SLC35G2: variants seen among roughly 807,000 people sequenced by gnomAD.
SLC35G2 encodes transmembrane protein 22.
In SLC35G2, 20 loss-of-function variants were observed where a neutral mutation model predicts 27.2. That is an observed-to-expected ratio of 0.74 (90% CI 0.52 to 1.07). SLC35G2 has a LOEUF of 1.07. SLC35G2 is among the 50% of genes least tolerant of loss of function. The pLI is 0.00. For missense variants in SLC35G2, 416 were observed against 493.3 expected, an observed-to-expected ratio of 0.84 and a Z score of 1.48; for synonymous variants, 148 against 165.3, an observed-to-expected ratio of 0.90 and a Z score of 0.80.
At chr3:136,830,104 C>CTTTTTTTTTTTTT in intron 1 of SLC35G2, among the ~76,000 whole-genome samples, 1 of 88,814 alleles carries the variant, frequency 1.1e-5, no homozygotes, top group Non-Finnish European at 2.1e-5. Context: ...TACATTATTT[C>CTTTTTTTTTTTTT]TTTTTTTTTT....
chr3:136,825,510 G>A (rs1205607332), intron 1 of SLC35G2, among the ~76,000 whole-genome samples: 2 of 152,116 alleles, frequency 1.3e-5, no homozygotes, highest in East Asian at 3.9e-4. Flanking sequence ...CCAAAGTGCT[G>A]GGATTACAGG....
chr3:136,827,212 A>G (rs540368320), intron 1 of SLC35G2, among the ~76,000 whole-genome samples: 1 of 149,830 alleles, frequency 6.7e-6, no homozygotes, highest in Admixed American at 6.6e-5. Flanking sequence ...TCTTCTACTA[A>G]GTTTTTTTTT....
chr3:136,831,051 T>C (rs1936719228), intron 1 of SLC35G2, among the ~76,000 whole-genome samples: 1 of 152,222 alleles, frequency 6.6e-6, no homozygotes, highest in African/African-American at 2.4e-5. Context: ...AGGAACTCAA[T>C]GGAGGAAAGG....
At position 136,854,696 on chromosome 3, in the gene SLC35G2, C is replaced by G. The variant is rs1353675098; in HGVS notation, c.236C>G (p.Thr79Arg). Residue 79 changes from threonine (T) to arginine (R), a missense_variant, in exon 2 of 2, where the codon ACA (threonine) becomes AGA (arginine). Physicochemically the swap from Thr to Arg is moderately conservative, Grantham distance 71. Transcript: ENST00000446465. ...ACCATGGATACCCTACCTCCACCAA[C>G]AGAAGACCCAATGATCAATGAGATT... Reference protein sequence around the residue: ...FGTMDTLPPPTEDPMINEIGQ... With the variant: ...FGTMDTLPPPREDPMINEIGQ... 1.2e-6 allele frequency: 2 copies of G among 1,614,116 alleles called. No homozygotes were observed. The highest frequency in any genetic ancestry group is 1.3e-5 in the African/African-American group (1 of 75,036).
intron 1 of SLC35G2, among the ~76,000 whole-genome samples, chr3:136,824,735 C>T (rs1374832414): frequency 6.6e-6 from 1 of 152,018 alleles, no homozygotes; most frequent in Non-Finnish European, 1.5e-5. Flanking sequence ...GTTTGGATGT[C>T]CTTTATTTCT....
Position 136,837,461 on chromosome 3 carries a change from AAG to A in SLC35G2, c.-18-16976_-18-16975del, listed in dbSNP as rs1158211613. The A allele has an allele frequency of 3.3e-5, 5 of 152,196 alleles. No homozygotes were observed. The South Asian group carries it at 8.3e-4, about 25-fold the overall frequency. The allele number at this position is 152,196 out of a possible 1,614,324, so 9.4% of individuals were successfully genotyped here. A position where few individuals can be genotyped will look rare whatever the true frequency, so the allele number is the denominator to read the frequency against. On this transcript the variant is annotated intron_variant, in intron 1 of 1. Transcript: ENST00000446465. ...ATACATATATGAAAAACAAACAGAAAAGAGAGAAAATACCATATAATTGAATT... is the reference window on the plus strand; with the variant it reads ...ATACATATATGAAAAACAAACAGAAAAGAGAAAATACCATATAATTGAATT...
At chr3:136,821,662 C>G (rs1936459673) in intron 1 of SLC35G2, among the ~76,000 whole-genome samples, 1 of 152,260 alleles carries the variant, frequency 6.6e-6, no homozygotes, top group East Asian at 1.9e-4. Context: ...GAACTCCTGT[C>G]CTCAGGTTAT....
intron 1 of SLC35G2, among the ~76,000 whole-genome samples, chr3:136,832,258 C>A (rs1238612351): frequency 6.6e-6 from 1 of 152,196 alleles, no homozygotes; most frequent in Non-Finnish European, 1.5e-5. Context: ...TCGTGATCCA[C>A]CTGCCTTGGC....
intron 1 of SLC35G2, among the ~76,000 whole-genome samples, chr3:136,831,529 G>A (rs1936729027): frequency 6.6e-6 from 1 of 152,212 alleles, no homozygotes; most frequent in South Asian, 2.1e-4. Context: ...AGTATGTCAA[G>A]GATGATGACA....
chr3:136,852,777 G>C (rs1937729942), intron 1 of SLC35G2, among the ~76,000 whole-genome samples: 1 of 152,150 alleles, frequency 6.6e-6, no homozygotes, highest in Non-Finnish European at 1.5e-5. Context: ...ACAGGCATGA[G>C]CCAGCGTGCC....
chr3:136,835,307 C>CTTTTTTTTT (rs59937564), intron 1 of SLC35G2, among the ~76,000 whole-genome samples: 1 of 113,200 alleles, frequency 8.8e-6, no homozygotes, highest in Non-Finnish European at 1.8e-5. Flanking sequence ...AGGCCTTTTT[C>CTTTTTTTTT]TTTTTTTTTT....
Position 136,855,771 on chromosome 3 carries a change from T to A in SLC35G2, c.*72T>A. 8.3e-7 allele frequency: 1 copy of A among 1,211,776 alleles called. No homozygotes were observed. The highest frequency in any genetic ancestry group is 1.2e-6 in the Non-Finnish European group (1 of 828,092). The allele number at this position is 1,211,776 out of a possible 1,614,324, so 75.1% of individuals were successfully genotyped here. A position where few individuals can be genotyped will look rare whatever the true frequency, so the allele number is the denominator to read the frequency against. ...TGCCATTTTAATGTTTACCTATGAA[T>A]GTCTTTTGTGTTATATAACTGACAG... On this transcript the variant is annotated 3_prime_UTR_variant, in exon 2 of 2. Coordinates refer to ENST00000446465, the MANE Select transcript of SLC35G2 (RefSeq NM_025246.3).
At chr3:136,841,453 A>C (rs1451076513) in intron 1 of SLC35G2, among the ~76,000 whole-genome samples, 1 of 152,022 alleles carries the variant, frequency 6.6e-6, no homozygotes, top group African/African-American at 2.4e-5. Context: ...GTCCAGCCGG[A>C]CATGGTGGCT....
At chr3:136,826,226 CAG>C (rs1374122975) in intron 1 of SLC35G2, among the ~76,000 whole-genome samples, 12 of 151,842 alleles carry the variant, frequency 7.9e-5, no homozygotes, top group South Asian at 4.1e-4. Context: ...TTAGTAGAGA[CAG>C]GGGTTTCACT....
intron 1 of SLC35G2, among the ~76,000 whole-genome samples, chr3:136,852,497 C>CTTTTT (rs750307553): frequency 1.2e-4 from 17 of 142,396 alleles, no homozygotes; most frequent in African/African-American, 4.1e-4. Context: ...TTTTCTTTTT[C>CTTTTT]TTTTTTTTTT....
At chr3:136,849,451 G>T (rs1937541544) in intron 1 of SLC35G2, among the ~76,000 whole-genome samples, 1 of 128,212 alleles carries the variant, frequency 7.8e-6, no homozygotes, top group South Asian at 2.6e-4. Context: ...AAGTAAAGTT[G>T]AACCCAACTT....
intron 1 of SLC35G2, among the ~76,000 whole-genome samples, chr3:136,851,185 T>C (rs1392064348): frequency 6.6e-6 from 1 of 151,936 alleles, no homozygotes; most frequent in Non-Finnish European, 1.5e-5. Flanking sequence ...ACAGAATTTG[T>C]ACTGGGCCTT....
At chr3:136,851,496 CAAA>C (rs11427657) in intron 1 of SLC35G2, among the ~76,000 whole-genome samples, 40 of 66,516 alleles carry the variant, frequency 6.0e-4, no homozygotes, top group Non-Finnish European at 8.1e-4. Flanking sequence ...GACTCCGTCT[CAAA>C]AAAAAAAAAA....
intron 1 of SLC35G2, among the ~76,000 whole-genome samples, chr3:136,840,480 T>G (rs1458592378): frequency 6.6e-6 from 1 of 152,010 alleles, no homozygotes; most frequent in Non-Finnish European, 1.5e-5. Context: ...GCCCTTCTTT[T>G]CTTTCTTCCT....
Sources: allele counts gnomAD v4.1 joint callset (sites outside exome capture counted in the v4.1 genomes callset), GRCh38; gene constraint gnomAD v4.1.1; transcripts MANE v1.5; gene names NCBI Gene and HGNC (gene_info 2026-07-23, HGNC 2026-07-21).